Variants in ABCA8 observed in about 807,000 individuals in gnomAD.
ABCA8 encodes the protein ATP binding cassette subfamily A member 8.
In ABCA8, 177 loss-of-function variants were observed where a neutral mutation model predicts 192.3. That is an observed-to-expected ratio of 0.92 (90% CI 0.81 to 1.04). The LOEUF is 1.04. Ranked by LOEUF, ABCA8 falls within the 50% of genes least tolerant of loss-of-function variation. The pLI, the probability that ABCA8 is intolerant of heterozygous loss-of-function variation, is 0.00. For missense variants in ABCA8, 1,915 were observed against 1,904.8 expected (o/e 1.01, Z -0.10); for synonymous variants, 642 against 690.2 (o/e 0.93, Z 1.09).
Position 68,889,748 on chromosome 17 carries a change from T to C in ABCA8, c.3144+1741A>G, listed in dbSNP as rs2066582010. Reference sequence around the variant, plus strand: ...ACCCCGAGCCTGCCTTCTGTCACTATAGATTAATTTTACCTTTCTAAGAAT... The same window carrying C: ...ACCCCGAGCCTGCCTTCTGTCACTACAGATTAATTTTACCTTTCTAAGAAT... On this transcript the variant is annotated intron_variant, in intron 24 of 39. Transcript: ENST00000586539. Among the ~76,000 whole-genome samples the C allele has an allele frequency of 2.0e-5, 3 of 152,178 alleles. No homozygotes were observed. In the South Asian group the frequency reaches 6.2e-4, roughly 32 times the overall value.
chr17:68,892,761 G>A (rs181130472), intron 23 of ABCA8, among the ~76,000 whole-genome samples: 168 of 152,172 alleles, frequency 1.1e-3, no homozygotes, highest in African/African-American at 3.6e-3. Flanking sequence ...TAAGTTTCTC[G>A]CACATCCTTA....
At chr17:68,887,794 T>C (rs114294298) in intron 24 of ABCA8, among the ~76,000 whole-genome samples, 2 of 148,420 alleles carry the variant, frequency 1.3e-5, no homozygotes, top group African/African-American at 5.0e-5. Flanking sequence ...GACTTACAGG[T>C]GGGTAGGGGT....
rs1479399234 is a variant in ABCA8 at position 68,941,996 on chromosome 17, C to T, written c.39G>A (p.Trp13Ter). ...TAAGAAAGTTCTTGCATAATAAGGC[C>T]CAAGTTTGTTGACACACACTGATCT... Reference protein sequence around the residue: ...KRKISVCQQTWALLCKNFLKK... With the variant: ...KRKISVCQQT The change falls in exon 3 of 40, where the codon TGG (tryptophan) becomes TGA (stop). Residue 13 changes from tryptophan to a stop codon, truncating the protein, a stop_gained. Transcript: ENST00000586539. LOFTEE classifies it high-confidence loss of function. 6.2e-7 allele frequency: 1 copy of T among 1,612,940 alleles called. No homozygotes were observed. Among genetic ancestry groups the T allele is most frequent in the East Asian group, 2.2e-5 (1 of 44,850 alleles).
intron 37 of ABCA8, among the ~76,000 whole-genome samples, chr17:68,874,179 A>G (rs768780658): frequency 4.6e-5 from 7 of 152,186 alleles, no homozygotes; most frequent in Non-Finnish European, 1.0e-4. Flanking sequence ...CTTGTTTTCT[A>G]ACTGAATACT....
chr17:68,915,370 T>C (rs1289128522), intron 17 of ABCA8, among the ~76,000 whole-genome samples: 1 of 152,140 alleles, frequency 6.6e-6, no homozygotes, highest in Non-Finnish European at 1.5e-5. Context: ...ATTTGCAAAC[T>C]ATCCATCTAA....
intron 32 of ABCA8, chr17:68,878,503 C>T (rs2066262022): frequency 6.6e-6 from 1 of 152,150 alleles, no homozygotes; most frequent in Admixed American, 6.5e-5. Context: ...AGCAAGCGTT[C>T]ACTGAAAGTA....
At position 68,867,931 on chromosome 17, in the gene ABCA8, G is replaced by A; in HGVS notation, c.*154C>T. On this transcript the variant is annotated 3_prime_UTR_variant, in exon 40 of 40. Transcript: ENST00000586539. ...AAATGCCTCTGTCCACACTGACATG[G>A]CACTTACCCAGCACCCGAACCTCCT... 1.6e-6 allele frequency: 1 copy of A among 622,750 alleles called. No homozygotes were observed. Among genetic ancestry groups the A allele is most frequent in the South Asian group, 2.2e-5 (1 of 46,346 alleles). The allele number at this position is 622,750 out of a possible 1,614,324, so 38.6% of individuals were successfully genotyped here.
intron 21 of ABCA8, among the ~76,000 whole-genome samples, chr17:68,901,857 T>C (rs1598225231): frequency 6.7e-6 from 1 of 149,310 alleles, no homozygotes; most frequent in Non-Finnish European, 1.5e-5. Flanking sequence ...GAATATAAAG[T>C]GGTACAGTCA....
intron 23 of ABCA8, among the ~76,000 whole-genome samples, chr17:68,892,520 C>G (rs1179474793): frequency 1.3e-5 from 2 of 152,228 alleles, no homozygotes; most frequent in African/African-American, 4.8e-5. Flanking sequence ...ATATTGGGCA[C>G]ATAAATACAA....
chr17:68,950,332 A>T (rs1055132439), intron 1 of ABCA8, among the ~76,000 whole-genome samples: 2 of 152,202 alleles, frequency 1.3e-5, no homozygotes, highest in African/African-American at 4.8e-5. Flanking sequence ...GCAGAATAGA[A>T]AAAAACTACT....
intron 17 of ABCA8, among the ~76,000 whole-genome samples, chr17:68,908,228 A>G (rs1381994767): frequency 6.6e-6 from 1 of 152,192 alleles, no homozygotes; most frequent in African/African-American, 2.4e-5. Context: ...AAAGGTCAGG[A>G]CTATGCAAAA....
rs2067062424 is a variant in ABCA8 at position 68,906,173 on chromosome 17, A to G, written c.2279-10T>C. The G allele has an allele frequency of 1.3e-6, 2 of 1,551,606 alleles. No individual in the cohort carries two copies. Among genetic ancestry groups the G allele is most frequent in the South Asian group, 1.3e-5 (1 of 79,444 alleles). On this transcript the variant is annotated splice_polypyrimidine_tract_variant and intron_variant, in intron 18 of 39. Transcript: ENST00000586539. ...AGATCCTTGTAAAGTTCTAAAGAATACATATACAGCAGTGAATTAAAACAA... is the reference window on the plus strand; with the variant it reads ...AGATCCTTGTAAAGTTCTAAAGAATGCATATACAGCAGTGAATTAAAACAA...
intron 14 of ABCA8, among the ~76,000 whole-genome samples, chr17:68,918,930 CAAAA>C (rs34377045): frequency 2.2e-5 from 1 of 45,954 alleles, no homozygotes; most frequent in African/African-American, 7.7e-5. Context: ...AACTCTGTCT[CAAAA>C]AAAAAAAAAA....
intron 33 of ABCA8, 88 bp from the exon 34 acceptor site, chr17:68,876,791 C>T: frequency 1.3e-6 from 2 of 1,517,206 alleles, no homozygotes; most frequent in Non-Finnish European, 1.8e-6. Context: ...AAGCAGAACT[C>T]AAAAATGCAG....
In ABCA8 at chr17:68,924,821, A is replaced by G. The variant is rs538572229; in HGVS notation, c.1322T>C (p.Phe441Ser). The G allele has an allele frequency of 5.0e-6, 8 of 1,614,110 alleles. No individual in the cohort carries two copies. Among genetic ancestry groups the G allele is most frequent in the African/African-American group, 2.7e-5 (2 of 75,058 alleles). The change falls in exon 11 of 40, where the codon TTT becomes TCT. Residue 441 changes from phenylalanine (F) to serine (S), a missense_variant. Coordinates refer to ENST00000586539, the MANE Select transcript of ABCA8 (RefSeq NM_001288985.2). ...ATCAGTCTTTTGTGTTTGAGACCAAAATGAGGACTTCAGGAAAAACAAAGG... is the reference window on the plus strand; with the variant it reads ...ATCAGTCTTTTGTGTTTGAGACCAAGATGAGGACTTCAGGAAAAACAAAGG... ...RPPLFFLKSS[F>S]WSQTQKTDHV...
At chr17:68,923,663 A>C (rs1195026245) in intron 11 of ABCA8, among the ~76,000 whole-genome samples, 1 of 152,214 alleles carries the variant, frequency 6.6e-6, no homozygotes, top group Non-Finnish European at 1.5e-5. Flanking sequence ...TGCTAGAGTA[A>C]ACCTAGCTTA....
At chr17:68,881,013 CA>C (rs749448170) in intron 32 of ABCA8, 106 bp downstream of exon 32, 6 of 769,610 alleles carry the variant, frequency 7.8e-6, no homozygotes, top group African/African-American at 1.7e-5. Flanking sequence ...GTTCATTAAT[CA>C]CTTCAGTTAT....
At chr17:68,943,294 ATGTT>A (rs1417378208) in intron 2 of ABCA8, among the ~76,000 whole-genome samples, 1 of 152,158 alleles carries the variant, frequency 6.6e-6, no homozygotes, top group Non-Finnish European at 1.5e-5. Flanking sequence ...GAATTTATTT[ATGTT>A]TATTATGCAG....
chr17:68,950,338 C>T (rs1349614355), intron 1 of ABCA8, among the ~76,000 whole-genome samples: 1 of 152,126 alleles, frequency 6.6e-6, no homozygotes, highest in African/African-American at 2.4e-5. Context: ...TAGAAAAAAA[C>T]TACTTTAAAT....
Sources: allele counts gnomAD v4.1 joint callset (sites outside exome capture counted in the v4.1 genomes callset), GRCh38; gene constraint gnomAD v4.1.1; transcripts MANE v1.5; gene names NCBI Gene and HGNC (gene_info 2026-07-23, HGNC 2026-07-21).